The following DNMBP variants were observed in gnomAD, a reference collection of about 807,000 sequenced individuals.
DNMBP encodes the protein dynamin binding protein.
A neutral mutation model predicts 150.0 loss-of-function variants in DNMBP; 87 were observed. The ratio of observed to expected loss-of-function variants is 0.58; its 90% CI spans 0.49 to 0.69. The LOEUF (loss-of-function observed/expected upper bound fraction) is 0.69, where lower values mean the gene tolerates loss of function less well. DNMBP is among the 30% of genes least tolerant of loss of function. DNMBP has a pLI of 0.00. For missense variants in DNMBP, 1,774 were observed against 1,949.0 expected (o/e 0.91, Z 1.69); for synonymous variants, 711 against 750.4 (o/e 0.95, Z 0.86).
At chr10:99,960,187 G>T (rs1377023032) in intron 3 of DNMBP, among the ~76,000 whole-genome samples, 2 of 152,056 alleles carry the variant, frequency 1.3e-5, no homozygotes, top group Non-Finnish European at 2.9e-5. Flanking sequence ...TATGATTTAT[G>T]ATTTAATTTT....
intron 4 of DNMBP, chr10:99,913,928 C>T (rs1446578010): frequency 4.6e-6 from 6 of 1,315,260 alleles, no homozygotes; most frequent in Non-Finnish European, 5.9e-6. Flanking sequence ...TCCTTCTGTG[C>T]TGGCTCCCAC....
In DNMBP at chr10:99,937,738, C is replaced by G. The variant is rs116703203; in HGVS notation, c.2260+17476G>C. ...TCACCAGCCAACCACCATGAGCACA[C>G]AGAATGGCAGTGACACACAAGACAG... On this transcript the variant is annotated intron_variant, in intron 4 of 16. Coordinates refer to ENST00000324109, the MANE Select transcript of DNMBP (RefSeq NM_015221.4). Among the ~76,000 whole-genome samples the G allele has an allele frequency of 6.6e-3, 1,004 of 152,310 alleles. 11 individuals are homozygous for G. The highest frequency in any genetic ancestry group is 0.023 in the African/African-American group (960 of 41,556).
chr10:99,987,896 A>G (rs1253383304), intron 1 of DNMBP, among the ~76,000 whole-genome samples: 1 of 152,222 alleles, frequency 6.6e-6, no homozygotes, highest in Non-Finnish European at 1.5e-5. Context: ...CTAACTTCCT[A>G]ACAATTAGCA....
intron 3 of DNMBP, among the ~76,000 whole-genome samples, chr10:99,963,284 T>C (rs889336412): frequency 7.3e-5 from 11 of 151,336 alleles, no homozygotes; most frequent in Admixed American, 1.3e-4. Flanking sequence ...TTGCCCAAGC[T>C]GGCCTCAAAC....
intron 6 of DNMBP, 120 bp downstream of exon 6, chr10:99,907,875 C>A: frequency 1.5e-6 from 1 of 681,076 alleles, no homozygotes; most frequent in South Asian, 1.8e-5. Flanking sequence ...AACCTCTGGA[C>A]TAAGTACCTA....
intron 9 of DNMBP, 178 bp downstream of exon 9, chr10:99,897,908 G>A (rs770455011): frequency 3.3e-6 from 2 of 604,784 alleles, no homozygotes; most frequent in Admixed American, 5.9e-5. Flanking sequence ...GCAAGACTCT[G>A]TCTCAAAAAA....
intron 10 of DNMBP, among the ~76,000 whole-genome samples, chr10:99,895,345 T>C (rs963595947): frequency 9.9e-5 from 15 of 152,174 alleles, no homozygotes; most frequent in African/African-American, 3.6e-4. Context: ...CAGACTAGTC[T>C]CGAACTCCTG....
chr10:99,918,331 T>C (rs2039988986), intron 4 of DNMBP, among the ~76,000 whole-genome samples: 1 of 151,942 alleles, frequency 6.6e-6, no homozygotes, highest in African/African-American at 2.4e-5. Flanking sequence ...ACTTCAGAGG[T>C]AAATCTATTA....
chr10:99,977,069 T>C (rs2040735710), intron 1 of DNMBP, among the ~76,000 whole-genome samples: 2 of 152,152 alleles, frequency 1.3e-5, no homozygotes, highest in Admixed American at 1.3e-4. Context: ...GAGAACCTTT[T>C]CACTCTACCA....
At chr10:100,008,190 T>C (rs1469385021) in intron 1 of DNMBP, among the ~76,000 whole-genome samples, 1 of 152,146 alleles carries the variant, frequency 6.6e-6, no homozygotes, top group Non-Finnish European at 1.5e-5. Flanking sequence ...GAGGAAGAGA[T>C]TGATGGAACG....
At chr10:99,921,175 T>C (rs1022148067) in intron 4 of DNMBP, among the ~76,000 whole-genome samples, 12 of 152,196 alleles carry the variant, frequency 7.9e-5, no homozygotes, top group Non-Finnish European at 1.2e-4. Flanking sequence ...AGTTTAATGG[T>C]CTGTTTCCCT....
intron 1 of DNMBP, among the ~76,000 whole-genome samples, chr10:99,974,732 G>T (rs1035075328): frequency 2.0e-5 from 3 of 152,058 alleles, no homozygotes; most frequent in Non-Finnish European, 2.9e-5. Flanking sequence ...CAAAAAGCAT[G>T]AAGTGCCTAA....
At chr10:99,898,314 A>T (rs2039688534) in intron 8 of DNMBP, 29 bp from the exon 9 acceptor site, 1 of 1,584,116 alleles carries the variant, frequency 6.3e-7, no homozygotes. Flanking sequence ...AGACTTTAGT[A>T]AGCTATCAAT....
chr10:99,941,878 T>G (rs2040305138), intron 4 of DNMBP, among the ~76,000 whole-genome samples: 1 of 152,204 alleles, frequency 6.6e-6, no homozygotes, highest in Admixed American at 6.5e-5. Flanking sequence ...GCCATCCTGG[T>G]CCAAGGTGCT....
intron 3 of DNMBP, among the ~76,000 whole-genome samples, chr10:99,966,062 G>A (rs1003973567): frequency 6.6e-6 from 1 of 152,104 alleles, no homozygotes; most frequent in East Asian, 1.9e-4. Flanking sequence ...TATACAAAAA[G>A]AGAAATTAAA....
chr10:99,968,998 G>T, intron 3 of DNMBP, 117 bp downstream of exon 3: 2 of 1,177,000 alleles, frequency 1.7e-6, no homozygotes, highest in Non-Finnish European at 2.4e-6. Context: ...ATTTGGTATT[G>T]CCGAGGACTC....
intron 1 of DNMBP, among the ~76,000 whole-genome samples, chr10:99,977,957 C>T (rs1293430067): frequency 2.0e-5 from 3 of 152,168 alleles, no homozygotes; most frequent in Non-Finnish European, 4.4e-5. Flanking sequence ...AGAAATCTTC[C>T]AGGTCAAGCA....
intron 4 of DNMBP, among the ~76,000 whole-genome samples, chr10:99,921,061 C>T (rs554992071): frequency 6.6e-6 from 1 of 152,344 alleles, no homozygotes; most frequent in South Asian, 2.1e-4. Context: ...CAAGGAACAT[C>T]ACTTACTATG....
Position 99,956,691 on chromosome 10 carries a change from C to G in DNMBP, c.783G>C (p.Glu261Asp). 6.2e-7 allele frequency: 1 copy of G among 1,613,690 alleles called. No individual in the cohort carries two copies. Among genetic ancestry groups the G allele is most frequent in the Non-Finnish European group, 8.5e-7 (1 of 1,179,652 alleles). ...LYRFQALEPN[E>D]LDFEVGDKIR... ...TTTTATCCCCGACCTCGAAATCCAG[C>G]TCATTTGGCTCCAGGGCTTGGAATC... Residue 261 changes from glutamate to aspartate, a missense_variant, in exon 4 of 17, where the codon GAG (glutamate) becomes GAC (aspartate). By Grantham distance (45) the Glu-to-Asp change is conservative. Coordinates refer to ENST00000324109, the MANE Select transcript of DNMBP (RefSeq NM_015221.4).
Sources: gnomAD v4.1 joint callset for allele counts (sites outside exome capture counted in the v4.1 genomes callset) on GRCh38, gnomAD v4.1.1 for gene constraint, MANE v1.5 for transcripts, NCBI Gene and HGNC (gene_info 2026-07-23, HGNC 2026-07-21) for gene names.